SASH1: variants seen among roughly 807,000 people sequenced by gnomAD.
The protein encoded by SASH1 is SAM and SH3 domain containing 1.
In SASH1, 44 loss-of-function variants were observed where a neutral mutation model predicts 125.2. The observed-to-expected ratio is 0.35, with a 90% CI of 0.28 to 0.45. The LOEUF (loss-of-function observed/expected upper bound fraction) is 0.45. Ranked by LOEUF, SASH1 falls within the 20% of genes least tolerant of loss-of-function variation. The probability of loss-of-function intolerance (pLI) is 1.00; values close to 1 mark genes in which losing one functional copy is unlikely to be tolerated. For synonymous variants in SASH1, 639 were observed against 649.1 expected, an observed-to-expected ratio of 0.98 and a Z score of 0.24; for missense variants, 1,426 against 1,614.5, an observed-to-expected ratio of 0.88 and a Z score of 2.00.
At chr6:148,474,931 A>G (rs569553058) in intron 7 of SASH1, among the ~76,000 whole-genome samples, 3 of 152,334 alleles carry the variant, frequency 2.0e-5, no homozygotes, top group African/African-American at 4.8e-5. Context: ...TCTAAAGGTT[A>G]TACTTACTTT....
At chr6:148,369,103 G>T (rs1389477654) in intron 1 of SASH1, among the ~76,000 whole-genome samples, 1 of 152,152 alleles carries the variant, frequency 6.6e-6, no homozygotes, top group Non-Finnish European at 1.5e-5. Context: ...TGTACGTGTT[G>T]GGGAGAGTAC....
intron 7 of SASH1, among the ~76,000 whole-genome samples, chr6:148,481,654 C>T (rs969506897): frequency 6.6e-6 from 1 of 152,016 alleles, no homozygotes; most frequent in African/African-American, 2.4e-5. Context: ...GGAGAATGGC[C>T]GGTCAGTGGA....
intron 1 of SASH1, 97 bp from the exon 2 acceptor site, chr6:148,390,037 C>G (rs1783634048): frequency 7.2e-7 from 1 of 1,394,226 alleles, no homozygotes; most frequent in Non-Finnish European, 9.8e-7. Context: ...AAATACCAAC[C>G]TTTATTACTA....
chr6:148,438,178 A>T (rs1031254665), intron 2 of SASH1, among the ~76,000 whole-genome samples: 6 of 152,248 alleles, frequency 3.9e-5, no homozygotes, highest in Non-Finnish European at 7.3e-5. Context: ...GTTTAGTTTC[A>T]TCATCACTCT....
In SASH1 at chr6:148,532,771, G is replaced by A. The variant is rs745313651; in HGVS notation, c.1565-26G>A. 21 of 1,612,442 alleles carry A rather than the reference G, an allele frequency of 1.3e-5. No individual in the cohort carries two copies. Among genetic ancestry groups the A allele is most frequent in the East Asian group, 2.2e-5 (1 of 44,864 alleles). ...CTGGGTGGGAAATCTGGATCTACCC[G>A]TGTTCTTCCTATGTTTCCTGTACAG... On this transcript the variant is annotated intron_variant, in intron 13 of 19. Transcript: ENST00000367467. This position sits in a 1 kb window ranked among gnomAD's most constrained non-coding sequence, Gnocchi z 4.7.
the SASH1 span, among the ~76,000 whole-genome samples, chr6:148,213,856 T>A: frequency 6.6e-6 from 1 of 152,166 alleles, no homozygotes; most frequent in Admixed American, 6.5e-5. Context: ...ATCTTAACTG[T>A]CTAGTTTATT....
chr6:148,374,150 C>T (rs947353576), intron 1 of SASH1, among the ~76,000 whole-genome samples: 3 of 152,200 alleles, frequency 2.0e-5, no homozygotes, highest in African/African-American at 7.2e-5. Context: ...ATACTTGTAT[C>T]CACATCCCAG....
chr6:148,362,223 G>C (rs1319154187), intron 1 of SASH1, among the ~76,000 whole-genome samples: 1 of 148,104 alleles, frequency 6.8e-6, no homozygotes, highest in Admixed American at 6.8e-5. Flanking sequence ...CACCGTGCCT[G>C]GCCTCTTTTT....
chr6:148,398,336 G>A (rs1045381663), intron 2 of SASH1, among the ~76,000 whole-genome samples: 6 of 152,338 alleles, frequency 3.9e-5, no homozygotes, highest in Admixed American at 1.3e-4. Context: ...GCAGACATGC[G>A]CACATAGTCC....
the SASH1 span, among the ~76,000 whole-genome samples, chr6:148,225,761 G>C: frequency 3.9e-5 from 6 of 152,318 alleles, no homozygotes; most frequent in South Asian, 1.2e-3. Flanking sequence ...TGAATTGCTA[G>C]ATAACAACCC....
chr6:148,381,846 G>T lies in SASH1; in HGVS notation c.157-8288G>T, dbSNP rs150142128. Among the ~76,000 whole-genome samples the T allele has an allele frequency of 5.7e-4, 86 of 151,938 alleles. No homozygotes were observed. The East Asian group carries it at 0.012, about 21-fold the overall frequency. On this transcript the variant is annotated intron_variant, in intron 1 of 19. Transcript: ENST00000367467. ...GAGGTTTCACCATTTTGGTTGGCCA[G>T]GCTGGTCTCAAACTCCTGACCTCAA...
chr6:148,496,601 A>G (rs1053982388), intron 8 of SASH1, among the ~76,000 whole-genome samples: 1 of 152,246 alleles, frequency 6.6e-6, no homozygotes, highest in Non-Finnish European at 1.5e-5. Context: ...GTTAAAATTA[A>G]CTTTTATTGG....
intron 1 of SASH1, among the ~76,000 whole-genome samples, chr6:148,374,595 G>A (rs889246472): frequency 1.3e-5 from 2 of 152,080 alleles, no homozygotes. Flanking sequence ...ACCCTGTGTA[G>A]AATGTGACAC....
chr6:148,512,221 T>A (rs754342580), intron 8 of SASH1, among the ~76,000 whole-genome samples: 3 of 152,138 alleles, frequency 2.0e-5, no homozygotes, highest in Non-Finnish European at 4.4e-5. Flanking sequence ...GGTTTCACCG[T>A]GTTAGCCGGG....
chr6:148,544,505 C>T lies in SASH1; in HGVS notation c.3035C>T (p.Pro1012Leu). The change falls in exon 18 of 20, where the codon CCC becomes CTC. Residue 1012 changes from proline (P) to leucine (L), a missense_variant. Around this residue, in one of 3 missense-constraint regions of SASH1, gnomAD observed 634 missense variants for 694.4 expected, o/e 0.91. Coordinates refer to ENST00000367467, the MANE Select transcript of SASH1 (RefSeq NM_015278.5). This position sits in a 1 kb window ranked among gnomAD's most constrained non-coding sequence, Gnocchi z 6.4. The part of the protein sequence containing the change: ...PVPMGPSGAL[P>L]SPDAPCLPVK... ...CCCATGGGCCCCAGTGGGGCCCTCC[C>T]CAGTCCCGATGCGCCATGCCTGCCA... 1 of 1,613,796 alleles carries T rather than the reference C, an allele frequency of 6.2e-7. No individual in the cohort carries two copies. Among genetic ancestry groups the T allele is most frequent in the Non-Finnish European group, 8.5e-7 (1 of 1,180,030 alleles).
intron 1 of SASH1, among the ~76,000 whole-genome samples, chr6:148,371,940 G>A (rs935716141): frequency 6.6e-6 from 1 of 152,112 alleles, no homozygotes; most frequent in Non-Finnish European, 1.5e-5. Flanking sequence ...CCCAGTAGTA[G>A]TTATTCACTT....
rs188584805 is a variant in SASH1, at chr6:148,423,792, A to G, written c.286-16392A>G. Among the ~76,000 whole-genome samples, 23 of 152,264 alleles carry G rather than the reference A, an allele frequency of 1.5e-4. No individual in the cohort carries two copies. In the East Asian group the frequency reaches 4.4e-3, roughly 29 times the overall value. ...ACACTCGTTGAATAGATGAAGACAT[A>G]AATGTTTGTTCAGTTGTAGGCTGTT... On this transcript the variant is annotated intron_variant, in intron 2 of 19. Transcript: ENST00000367467.
the SASH1 span, among the ~76,000 whole-genome samples, chr6:148,196,420 A>C: frequency 6.6e-6 from 1 of 152,220 alleles, no homozygotes; most frequent in South Asian, 2.1e-4. Flanking sequence ...CCATATATGA[A>C]AGTGCAGGTA....
the SASH1 span, among the ~76,000 whole-genome samples, chr6:148,258,254 G>GCAT: frequency 6.6e-6 from 1 of 152,086 alleles, no homozygotes; most frequent in Non-Finnish European, 1.5e-5. Flanking sequence ...TCTTGCTTGT[G>GCAT]CTAGATTGAG....
Sources: allele counts gnomAD v4.1 joint callset (sites outside exome capture counted in the v4.1 genomes callset), GRCh38; gene constraint gnomAD v4.1.1; regional missense constraint gnomAD v4.1.1; non-coding constraint Gnocchi (gnomAD v3.1); transcripts MANE v1.5; gene names NCBI Gene and HGNC (gene_info 2026-07-23, HGNC 2026-07-21).